Variants in SLC4A5 observed in about 807,000 individuals in gnomAD.
SLC4A5 encodes solute carrier family 4 member 5, also known as electrogenic sodium bicarbonate cotransporter 4.
SLC4A5 carries 96 observed loss-of-function variants against 120.4 expected under a neutral mutation model. That is an observed-to-expected ratio of 0.80 (90% CI 0.68 to 0.94). The LOEUF is 0.94. Among genes scored for constraint, SLC4A5 ranks in the 40% least tolerant of loss-of-function variants. The probability of loss-of-function intolerance (pLI) is 0.00; values close to 1 mark genes in which losing one functional copy is unlikely to be tolerated. For synonymous variants in SLC4A5, 550 were observed against 571.1 expected, an observed-to-expected ratio of 0.96 and a Z score of 0.53; for missense variants, 1,259 against 1,459.5, an observed-to-expected ratio of 0.86 and a Z score of 2.24.
At chr2:74,250,368 A>G (rs751161210) in exon 17 of SLC4A5, 1 of 1,614,148 alleles carries the variant, frequency 6.2e-7, no homozygotes, top group Non-Finnish European at 8.5e-7. Context: ...GGCATCCCCC[A>G]GAAGCCCACC....
At chr2:74,311,167 G>C (rs1057107633) in intron 6 of SLC4A5, among the ~76,000 whole-genome samples, 1 of 151,898 alleles carries the variant, frequency 6.6e-6, no homozygotes, top group Non-Finnish European at 1.5e-5. Context: ...TTTCATTTCT[G>C]ATATTAATGT....
rs1440248375 is a variant in SLC4A5 at position 74,264,305 on chromosome 2, T to C, written c.563-6A>G. 1 of 1,612,936 alleles carries C rather than the reference T, an allele frequency of 6.2e-7. No homozygotes were observed. The highest frequency in any genetic ancestry group is 1.7e-5 in the Admixed American group (1 of 59,916). ...CTGCTTCTCAATGACATCATCTGTGTGGAAAACATACACACCTCATCCCTG... is the reference window on the plus strand; with the variant it reads ...CTGCTTCTCAATGACATCATCTGTGCGGAAAACATACACACCTCATCCCTG... On this transcript the variant is annotated splice_region_variant and splice_polypyrimidine_tract_variant and intron_variant, in intron 9 of 30. Transcript: ENST00000394019.
At chr2:74,251,480 A>G (rs1670788013) in intron 16 of SLC4A5, among the ~76,000 whole-genome samples, 1 of 152,172 alleles carries the variant, frequency 6.6e-6, no homozygotes, top group African/African-American at 2.4e-5. Flanking sequence ...AAAAAAAAAA[A>G]AAGTTTTTGA....
chr2:74,258,587 T>C (rs941102956), intron 12 of SLC4A5, among the ~76,000 whole-genome samples: 1 of 152,244 alleles, frequency 6.6e-6, no homozygotes, highest in Middle Eastern at 3.2e-3. Context: ...GCTCTGGAGT[T>C]AGACTGCCTA....
At chr2:74,308,743 T>C (rs965943752) in intron 6 of SLC4A5, among the ~76,000 whole-genome samples, 1 of 152,106 alleles carries the variant, frequency 6.6e-6, no homozygotes, top group Admixed American at 6.5e-5. Context: ...TTATCATTTT[T>C]TTTTTTTCAT....
chr2:74,232,757 T>C, intron 23 of SLC4A5, 110 bp from the exon 24 acceptor site: 1 of 1,350,464 alleles, frequency 7.4e-7, no homozygotes, highest in East Asian at 2.5e-5. Flanking sequence ...CAGAAGATAC[T>C]GAAGGGGCCT....
exon 24 of SLC4A5, chr2:74,232,556 G>T: frequency 6.2e-7 from 1 of 1,613,962 alleles, no homozygotes; most frequent in Non-Finnish European, 8.5e-7. Flanking sequence ...GGAGATGACC[G>T]TGGCAGCCAC....
At chr2:74,335,655 T>C (rs1673464465) in intron 3 of SLC4A5, among the ~76,000 whole-genome samples, 1 of 152,150 alleles carries the variant, frequency 6.6e-6, no homozygotes, top group Admixed American at 6.5e-5. Flanking sequence ...TGGGAGCTGA[T>C]TAACTAATAA....
Position 74,312,918 on chromosome 2 carries a change from C to T in SLC4A5, c.79+2027G>A, listed in dbSNP as rs1672851671. On this transcript the variant is annotated intron_variant, in intron 6 of 30. Transcript: ENST00000394019. ...CTGCACTCCAGCCTGAGTGACAGAG[C>T]AACACTTCATCTCTAAATAAATAAA... Among the ~76,000 whole-genome samples, 5 of 152,032 alleles carry T rather than the reference C, an allele frequency of 3.3e-5. No individual in the cohort carries two copies. In the South Asian group the frequency reaches 1.0e-3, roughly 32 times the overall value.
chr2:74,285,480 C>G (rs1277558811), intron 8 of SLC4A5, among the ~76,000 whole-genome samples: 1 of 152,186 alleles, frequency 6.6e-6, no homozygotes, highest in Non-Finnish European at 1.5e-5. Context: ...GGTCCTGGAA[C>G]CAGTGCCCTA....
chr2:74,300,313 C>CT (rs977122839), intron 7 of SLC4A5, among the ~76,000 whole-genome samples: 35 of 152,100 alleles, frequency 2.3e-4, no homozygotes, highest in African/African-American at 7.5e-4. Flanking sequence ...TTGAAATTTG[C>CT]TTAGAGAGAT....
chr2:74,309,418 T>C (rs1034445747), intron 6 of SLC4A5, among the ~76,000 whole-genome samples: 8 of 152,202 alleles, frequency 5.3e-5, no homozygotes, highest in Non-Finnish European at 8.8e-5. Flanking sequence ...TCACACTTGA[T>C]TGTAGTAGCT....
intron 7 of SLC4A5, among the ~76,000 whole-genome samples, chr2:74,287,718 T>C (rs1353224465): frequency 6.6e-6 from 1 of 152,162 alleles, no homozygotes; most frequent in Non-Finnish European, 1.5e-5. Context: ...AATAAAGGCC[T>C]CCAGGCATGA....
chr2:74,233,123 C>G (rs987040507), intron 23 of SLC4A5, among the ~76,000 whole-genome samples: 4 of 152,198 alleles, frequency 2.6e-5, no homozygotes, highest in Admixed American at 6.5e-5. Flanking sequence ...TCTGCTGATT[C>G]TCATAAGAAC....
chr2:74,319,178 T>C (rs1169683372), intron 5 of SLC4A5, among the ~76,000 whole-genome samples: 1 of 151,946 alleles, frequency 6.6e-6, no homozygotes, highest in Non-Finnish European at 1.5e-5. Flanking sequence ...CATGGACATG[T>C]AGAGTGAAAT....
At chr2:74,305,545 T>A (rs1201599801) in intron 6 of SLC4A5, among the ~76,000 whole-genome samples, 2 of 152,164 alleles carry the variant, frequency 1.3e-5, no homozygotes, top group African/African-American at 4.8e-5. Flanking sequence ...TTATTAACTA[T>A]ATAGTTTACA....
At chr2:74,217,625 G>C (rs1357936354) in exon 31 of SLC4A5, 1 of 152,106 alleles carries the variant, frequency 6.6e-6, no homozygotes, top group Admixed American at 6.5e-5. Flanking sequence ...TAATTTAAAG[G>C]ATCATTTTGA....
exon 24 of SLC4A5, chr2:74,232,576 G>C: frequency 6.2e-7 from 1 of 1,613,998 alleles, no homozygotes; most frequent in Non-Finnish European, 8.5e-7. Context: ...CGTACCAGGG[G>C]AGCCCCATAA....
chr2:74,231,284 G>A (rs773690059), exon 25 of SLC4A5: 23 of 1,612,344 alleles, frequency 1.4e-5, no homozygotes, highest in South Asian at 4.4e-5. Context: ...GGATGAAGAC[G>A]ATGATGCCGG....
Sources: allele counts gnomAD v4.1 joint callset (sites outside exome capture counted in the v4.1 genomes callset), GRCh38; gene constraint gnomAD v4.1.1; transcripts MANE v1.5; gene names NCBI Gene and HGNC (gene_info 2026-07-23, HGNC 2026-07-21).